IGF2R: variants seen among roughly 807,000 people sequenced by gnomAD.
IGF2R encodes the protein insulin like growth factor 2 receptor, also known as cation-independent mannose-6-phosphate receptor.
In IGF2R, 91 loss-of-function variants were observed where a neutral mutation model predicts 270.6. That is an observed-to-expected ratio of 0.34 (90% CI 0.28 to 0.40). IGF2R has a LOEUF of 0.40. IGF2R is among the 10% of genes least tolerant of loss of function. IGF2R has a pLI of 1.00. For synonymous variants in IGF2R, 1,316 were observed against 1,258.9 expected, an observed-to-expected ratio of 1.05 and a Z score of -0.96; for missense variants, 2,805 against 3,188.3, an observed-to-expected ratio of 0.88 and a Z score of 2.90.
At position 160,020,093 on chromosome 6, in the gene IGF2R, C is replaced by A. The variant is rs112704264; in HGVS notation, c.514-4479C>A. Among the ~76,000 whole-genome samples the A allele has an allele frequency of 2.4e-3, 359 of 152,086 alleles. 3 individuals carry two copies. Among genetic ancestry groups the A allele is most frequent in the African/African-American group, 8.2e-3 (338 of 41,458 alleles). On this transcript the variant is annotated intron_variant, in intron 4 of 47. Transcript: ENST00000356956. ...CTCCAAAAGTCTCTTAGATTTGATA[C>A]GTGAATTCAGTAGTTTCAGGATACA...
At chr6:160,076,041 G>C (rs1583294595) in intron 36 of IGF2R, 45 bp downstream of exon 36, 3 of 1,594,270 alleles carry the variant, frequency 1.9e-6, no homozygotes, top group South Asian at 2.2e-5. Flanking sequence ...CTGCGGGTTA[G>C]TGAGCCAAGG....
At chr6:160,079,899 A>C in intron 38 of IGF2R, 112 bp downstream of exon 38, 1 of 1,087,180 alleles carries the variant, frequency 9.2e-7, no homozygotes, top group Admixed American at 2.6e-5. Context: ...TGAGTGCTGT[A>C]ACCTTGGGCG....
chr6:160,044,471 A>T, intron 12 of IGF2R, 43 bp from the exon 13 acceptor site: 1 of 1,469,154 alleles, frequency 6.8e-7, no homozygotes, highest in Non-Finnish European at 9.3e-7. Flanking sequence ...CGTGATGATC[A>T]TTTTTAACCA....
chr6:160,012,868 C>G (rs1464108843), intron 4 of IGF2R, among the ~76,000 whole-genome samples: 1 of 151,252 alleles, frequency 6.6e-6, no homozygotes, highest in Non-Finnish European at 1.5e-5. Flanking sequence ...CTCAGGTGAT[C>G]CGCCTGCCTC....
intron 1 of IGF2R, among the ~76,000 whole-genome samples, chr6:159,971,771 CTG>C (rs1783612911): frequency 6.6e-6 from 1 of 152,226 alleles, no homozygotes; most frequent in African/African-American, 2.4e-5. Flanking sequence ...CCTCACCCTT[CTG>C]TGTAGCTGGG....
At chr6:160,051,316 G>C (rs906154011) in intron 19 of IGF2R, among the ~76,000 whole-genome samples, 1 of 152,194 alleles carries the variant, frequency 6.6e-6, no homozygotes, top group African/African-American at 2.4e-5. Context: ...ATTATCTTGT[G>C]CACAAGTCTG....
rs769309222 is a variant in IGF2R at position 160,059,182 on chromosome 6, T to C, written c.3091+84T>C. On this transcript the variant is annotated intron_variant, in intron 22 of 47. Coordinates refer to ENST00000356956, the MANE Select transcript of IGF2R (RefSeq NM_000876.4). ...GCCATGCACCTTCCTGAGTGTAGGA[T>C]GTGCACATCCCCCGCCACCATGGGC... is the stretch of plus-strand genomic sequence containing the variant. 3.9e-4 allele frequency: 442 copies of C among 1,128,654 alleles called. 1 individual carries two copies. Among genetic ancestry groups the C allele is most frequent in the Non-Finnish European group, 5.5e-4 (429 of 775,154 alleles). 69.9% of individuals were successfully genotyped at this position (1,128,654 alleles called of 1,614,324 possible). A position where few individuals can be genotyped will look rare whatever the true frequency, so the allele number is the denominator to read the frequency against.
intron 4 of IGF2R, among the ~76,000 whole-genome samples, chr6:160,011,506 A>G (rs1038753420): frequency 1.3e-5 from 2 of 150,344 alleles, no homozygotes; most frequent in Admixed American, 6.6e-5. Context: ...ACATTGAGGA[A>G]TGGCTACATT....
chr6:159,977,109 G>A (rs1382905222), intron 1 of IGF2R, among the ~76,000 whole-genome samples: 1 of 152,228 alleles, frequency 6.6e-6, no homozygotes, highest in East Asian at 1.9e-4. Flanking sequence ...CTCAGCTGAT[G>A]TGTAGTCACA....
intron 4 of IGF2R, among the ~76,000 whole-genome samples, chr6:160,013,840 C>T (rs1440413775): frequency 6.6e-6 from 1 of 152,046 alleles, no homozygotes; most frequent in Non-Finnish European, 1.5e-5. Flanking sequence ...AAAGCGTATG[C>T]CCTTTTTTCT....
In IGF2R at chr6:160,027,276, C is replaced by T; in HGVS notation, c.738C>T (p.Gly246=). 1.2e-6 allele frequency: 2 copies of T among 1,613,970 alleles called. No individual in the cohort carries two copies. Among genetic ancestry groups the T allele is most frequent in the Non-Finnish European group, 1.7e-6 (2 of 1,179,940 alleles). Residue 246 remains glycine, a synonymous_variant, in exon 6 of 48, where the codon GGC becomes GGT. Coordinates refer to ENST00000356956, the MANE Select transcript of IGF2R (RefSeq NM_000876.4). ...LVRGHQAFDV[G]QPRDGLKLVR... is the part of the protein sequence containing the mutation. ...GAGGACACCAGGCGTTTGATGTTGG[C>T]CAGCCCCGGGACGGACTGAAGCTGG...
At chr6:160,065,810 GTGTGTATATATA>G (rs1562364421) in intron 29 of IGF2R, among the ~76,000 whole-genome samples, 1 of 72,980 alleles carries the variant, frequency 1.4e-5, no homozygotes, top group African/African-American at 6.0e-5. Flanking sequence ...GTGTGTGTGT[GTGTGTATATATA>G]TATATATATA....
intron 1 of IGF2R, among the ~76,000 whole-genome samples, chr6:159,979,684 G>A (rs1297036354): frequency 6.6e-6 from 1 of 152,168 alleles, no homozygotes; most frequent in African/African-American, 2.4e-5. Flanking sequence ...CTGGTGGGGG[G>A]CCTGCATGTC....
At chr6:160,041,674 C>A (rs1777950005) in intron 11 of IGF2R, among the ~76,000 whole-genome samples, 1 of 152,168 alleles carries the variant, frequency 6.6e-6, no homozygotes, top group South Asian at 2.1e-4. Context: ...TTGCTAAATA[C>A]CAGGTTAGAA....
chr6:160,064,455 C>A lies in IGF2R; in HGVS notation c.3941C>A (p.Thr1314Lys), dbSNP rs888095015. Reference sequence around the variant, plus strand: ...AATGGCTTGTTAAAAATGAACTTCACGGGGGGGGACACTTGCCATAAGGTT... The same window carrying A: ...AATGGCTTGTTAAAAATGAACTTCAAGGGGGGGGACACTTGCCATAAGGTT... ...YENGLLKMNF[T>K]GGDTCHKVYQ... The change falls in exon 28 of 48, where the codon ACG (threonine) becomes AAG (lysine). Residue 1314 changes from threonine (T) to lysine (K), a missense_variant. Transcript: ENST00000356956. 6.2e-7 allele frequency: 1 copy of A among 1,612,028 alleles called. No individual in the cohort carries two copies. The highest frequency in any genetic ancestry group is 8.5e-7 in the Non-Finnish European group (1 of 1,178,678).
chr6:160,053,163 C>T (rs564214892), intron 19 of IGF2R, among the ~76,000 whole-genome samples: 1 of 152,072 alleles, frequency 6.6e-6, no homozygotes, highest in African/African-American at 2.4e-5. Flanking sequence ...AGCAAACTAT[C>T]ATAAGGACAG....
At chr6:160,055,825 G>T (rs561328007) in intron 19 of IGF2R, among the ~76,000 whole-genome samples, 3 of 152,340 alleles carry the variant, frequency 2.0e-5, no homozygotes, top group African/African-American at 7.2e-5. Flanking sequence ...ACCATTGCCT[G>T]TGTGGTGGTG....
At position 160,079,628 on chromosome 6, in the gene IGF2R, G is replaced by T. The variant is rs1778933996; in HGVS notation, c.5527G>T (p.Val1843Phe). ...CAGCGTTGGGGTGTGCACCTTTGCA[G>T]TCGGGCCAGAACAAGGAGGCTGTAA... The part of the protein sequence containing the change: ...TYSVGVCTFA[V>F]GPEQGGCKDG... Residue 1843 changes from valine to phenylalanine, a missense_variant, in exon 38 of 48, where the codon GTC becomes TTC. Coordinates refer to ENST00000356956, the MANE Select transcript of IGF2R (RefSeq NM_000876.4). The T allele has an allele frequency of 1.9e-6, 3 of 1,554,704 alleles. No individual in the cohort carries two copies. Among genetic ancestry groups the T allele is most frequent in the Non-Finnish European group, 2.6e-6 (3 of 1,151,014 alleles).
chr6:160,095,520 C>G (rs183230331), intron 44 of IGF2R: 1 of 152,170 alleles, frequency 6.6e-6, no homozygotes, highest in Admixed American at 6.5e-5. Flanking sequence ...AGCCATAGTC[C>G]GCTTCTTATA....
Sources: gnomAD v4.1 joint callset for allele counts (sites outside exome capture counted in the v4.1 genomes callset) on GRCh38, gnomAD v4.1.1 for gene constraint, MANE v1.5 for transcripts, NCBI Gene and HGNC (gene_info 2026-07-23, HGNC 2026-07-21) for gene names.